Variants in ZBTB20 observed in about 807,000 individuals in gnomAD.
The protein encoded by ZBTB20 is zinc finger and BTB domain-containing protein 20.
Under a neutral mutation model 56.9 loss-of-function variants are expected in ZBTB20, and 9 were observed. The ratio of observed to expected loss-of-function variants is 0.16; its 90% CI spans 0.10 to 0.28. The LOEUF (loss-of-function observed/expected upper bound fraction) is 0.28, where lower values mean the gene tolerates loss of function less well. Among genes scored for constraint, ZBTB20 ranks in the 10% least tolerant of loss-of-function variants. The probability of loss-of-function intolerance (pLI) is 1.00; values close to 1 mark genes in which losing one functional copy is unlikely to be tolerated. For synonymous variants in ZBTB20, 417 were observed against 420.7 expected (o/e 0.99, Z 0.11); for missense variants, 655 against 1,003.0 (o/e 0.65, Z 4.69).
At chr3:114,496,070 C>T (rs1264639342) in intron 7 of ZBTB20, among the ~76,000 whole-genome samples, 2 of 151,856 alleles carry the variant, frequency 1.3e-5, no homozygotes, top group African/African-American at 4.8e-5. Flanking sequence ...ATAACCATCA[C>T]AAAAAGAGTG....
intron 7 of ZBTB20, among the ~76,000 whole-genome samples, chr3:114,463,040 G>C (rs1419943666): frequency 6.6e-6 from 1 of 152,162 alleles, no homozygotes; most frequent in Non-Finnish European, 1.5e-5. Context: ...AGTCACACTG[G>C]TGCATCAGGA....
chr3:114,685,523 A>G (rs1303733851), intron 6 of ZBTB20, among the ~76,000 whole-genome samples: 2 of 152,224 alleles, frequency 1.3e-5, no homozygotes, highest in East Asian at 3.8e-4. Flanking sequence ...CTCTGCTTCA[A>G]TAAGTAAATA....
chr3:114,847,951 A>G (rs572753610), intron 4 of ZBTB20, among the ~76,000 whole-genome samples: 1 of 152,194 alleles, frequency 6.6e-6, no homozygotes, highest in South Asian at 2.1e-4. Flanking sequence ...GAAGTAATGC[A>G]TCTAATTGAC....
chr3:114,836,294 G>A (rs116680082), intron 4 of ZBTB20, among the ~76,000 whole-genome samples: 1 of 152,058 alleles, frequency 6.6e-6, no homozygotes, highest in African/African-American at 2.4e-5. Flanking sequence ...TGAAAAGTGG[G>A]AGTCAGTATA....
intron 5 of ZBTB20, among the ~76,000 whole-genome samples, chr3:114,756,200 T>C (rs538880270): frequency 2.0e-5 from 3 of 152,316 alleles, no homozygotes; most frequent in Admixed American, 2.0e-4. Context: ...GTGTATTTGG[T>C]ATTTACATCG....
chr3:114,603,148 C>G (rs929964572), intron 6 of ZBTB20, among the ~76,000 whole-genome samples: 5 of 151,978 alleles, frequency 3.3e-5, no homozygotes, highest in Non-Finnish European at 7.4e-5. Flanking sequence ...CAGATATAAG[C>G]AAACAAATAA....
intron 3 of ZBTB20, chr3:114,931,331 G>A (rs991239436): frequency 1.4e-5 from 3 of 213,444 alleles, no homozygotes; most frequent in Non-Finnish European, 1.9e-5. Flanking sequence ...CAACATCGGT[G>A]CTGCTAAAAC....
At chr3:115,079,637 A>AC (rs1259524238) in intron 1 of ZBTB20, among the ~76,000 whole-genome samples, 31 of 152,164 alleles carry the variant, frequency 2.0e-4, no homozygotes, top group Non-Finnish European at 2.9e-5. Context: ...CAAGTGATCC[A>AC]CCCACCTTGG....
At chr3:115,040,655 G>A (rs751392510) in intron 2 of ZBTB20, among the ~76,000 whole-genome samples, 4 of 151,944 alleles carry the variant, frequency 2.6e-5, no homozygotes, top group Non-Finnish European at 5.9e-5. Context: ...AAATATTTGG[G>A]GTCAATATAA....
intron 6 of ZBTB20, among the ~76,000 whole-genome samples, chr3:114,665,408 T>A (rs1325246522): frequency 6.6e-6 from 1 of 151,994 alleles, no homozygotes; most frequent in Non-Finnish European, 1.5e-5. Flanking sequence ...TCCACAATGA[T>A]GAAATTGCCT....
intron 4 of ZBTB20, among the ~76,000 whole-genome samples, chr3:114,848,847 G>A (rs1033027171): frequency 6.6e-6 from 1 of 152,202 alleles, no homozygotes; most frequent in Admixed American, 6.5e-5. Flanking sequence ...CTCTGCCAAT[G>A]TGGGCCACAG....
chr3:115,130,631 G>A (rs554614649), intron 1 of ZBTB20, among the ~76,000 whole-genome samples: 1 of 152,284 alleles, frequency 6.6e-6, no homozygotes, highest in African/African-American at 2.4e-5. Flanking sequence ...CTGGTAGCAC[G>A]TGGTCCAAAA....
rs2079236490 is a variant in ZBTB20 at position 114,331,105 on chromosome 3, A to ATGTGTATG, written c.*7899_*7900insCATACACA. On this transcript the variant is annotated 3_prime_UTR_variant, in exon 12 of 12. Coordinates refer to ENST00000675478, the MANE Select transcript of ZBTB20 (RefSeq NM_001348800.3). ...AAGCTTTAGTTTGAGAATAAAATTT[A>ATGTGTATG]TGTGTGTGTGTGTGTGTGTGTGTGT... is the stretch of plus-strand genomic sequence containing the variant. 1 of 148,628 alleles carries ATGTGTATG rather than the reference A, an allele frequency of 6.7e-6. No homozygotes were observed. Among genetic ancestry groups the ATGTGTATG allele is most frequent in the Non-Finnish European group, 1.5e-5 (1 of 67,010 alleles). The allele number at this position is 148,628 out of a possible 1,614,324, so 9.2% of individuals were successfully genotyped here. A position where few individuals can be genotyped will look rare whatever the true frequency, so the allele number is the denominator to read the frequency against.
At chr3:114,438,605 T>G (rs1276673806) in intron 7 of ZBTB20, among the ~76,000 whole-genome samples, 2 of 152,088 alleles carry the variant, frequency 1.3e-5, no homozygotes, top group African/African-American at 4.8e-5. Context: ...AATGGAGGAA[T>G]TAACTTTTGA....
At position 115,044,509 on chromosome 3, in the gene ZBTB20, C is replaced by A. The variant is rs191479484; in HGVS notation, c.-507+26710G>T. Among the ~76,000 whole-genome samples, 355 of 152,266 alleles carry A rather than the reference C, an allele frequency of 2.3e-3. 2 individuals carry two copies. Among genetic ancestry groups the A allele is most frequent in the African/African-American group, 8.4e-3 (349 of 41,564 alleles). On this transcript the variant is annotated intron_variant, in intron 2 of 11. Coordinates refer to ENST00000675478, the MANE Select transcript of ZBTB20 (RefSeq NM_001348800.3). ...AGTGAAGAAATAAAAGACAGCTAAA[C>A]CAGATGATGTTGGTTTGTAAACTTT...
intron 2 of ZBTB20, among the ~76,000 whole-genome samples, chr3:114,977,793 C>T (rs966886667): frequency 1.3e-5 from 2 of 151,882 alleles, no homozygotes; most frequent in Non-Finnish European, 2.9e-5. Context: ...ATGATGTTTA[C>T]TACTTAAAAT....
intron 4 of ZBTB20, among the ~76,000 whole-genome samples, chr3:114,867,688 A>C (rs658569): frequency 6.6e-6 from 1 of 151,910 alleles, no homozygotes; most frequent in Non-Finnish European, 1.5e-5. Context: ...ACCTGCCTCC[A>C]CCTCTCAAAG....
chr3:114,579,777 T>C (rs2054458692), intron 6 of ZBTB20, among the ~76,000 whole-genome samples: 1 of 151,524 alleles, frequency 6.6e-6, no homozygotes, highest in East Asian at 1.9e-4. Flanking sequence ...AATATATAAA[T>C]AACTTTGTAC....
intron 6 of ZBTB20, among the ~76,000 whole-genome samples, chr3:114,564,061 G>C (rs768144973): frequency 6.6e-5 from 10 of 152,056 alleles, no homozygotes; most frequent in Non-Finnish European, 1.3e-4. Flanking sequence ...GAGGCCACCT[G>C]TATTCATTGG....
Sources: allele counts gnomAD v4.1 joint callset (sites outside exome capture counted in the v4.1 genomes callset), GRCh38; gene constraint gnomAD v4.1.1; transcripts MANE v1.5; gene names NCBI Gene and HGNC (gene_info 2026-07-23, HGNC 2026-07-21).